The following TTLL5 variants were observed in gnomAD, a reference collection of about 807,000 sequenced individuals.
The protein encoded by TTLL5 is tubulin polyglutamylase TTLL5.
Under a neutral mutation model 168.4 loss-of-function variants are expected in TTLL5, and 132 were observed. The ratio of observed to expected loss-of-function variants is 0.78; its 90% CI spans 0.68 to 0.91. The LOEUF (loss-of-function observed/expected upper bound fraction) is 0.91, where lower values mean the gene tolerates loss of function less well. Ranked by LOEUF, TTLL5 falls within the 40% of genes least tolerant of loss-of-function variation. TTLL5 has a pLI of 0.00. For synonymous variants in TTLL5, 546 were observed against 558.6 expected (o/e 0.98, Z 0.32); for missense variants, 1,545 against 1,581.5 (o/e 0.98, Z 0.39).
rs141322942 is a variant in TTLL5 at position 75,745,139 on chromosome 14, C to T, written c.1326C>T (p.Leu442=). ...CCAGTGATGCGGAAATGAAAAACCT[C>T]GTGGGCTCAGCCCGGGAGAAAGGGC... ...LSASDAEMKN[L]VGSAREKGPG... is the part of the protein sequence containing the mutation. Residue 442 remains leucine (L), a synonymous_variant, in exon 16 of 32, where the codon CTC becomes CTT. Coordinates refer to ENST00000298832, the MANE Select transcript of TTLL5 (RefSeq NM_015072.5). The T allele has an allele frequency of 2.5e-3, 4,024 of 1,613,916 alleles. 12 individuals carry two copies. Among genetic ancestry groups the T allele is most frequent in the Non-Finnish European group, 3.0e-3 (3,558 of 1,179,888 alleles).
At chr14:75,813,183 C>T (rs1595083516) in intron 27 of TTLL5, among the ~76,000 whole-genome samples, 2 of 142,086 alleles carry the variant, frequency 1.4e-5, no homozygotes, top group East Asian at 4.0e-4. Context: ...TAGCATGTTG[C>T]CTGGAACAAG....
intron 30 of TTLL5, among the ~76,000 whole-genome samples, chr14:75,889,692 G>A (rs2032292997): frequency 6.6e-6 from 1 of 151,946 alleles, no homozygotes; most frequent in Non-Finnish European, 1.5e-5. Flanking sequence ...AGCCAGGCGT[G>A]GTGGCATGGC....
At chr14:75,717,046 C>G (rs1887515938) in intron 9 of TTLL5, among the ~76,000 whole-genome samples, 1 of 150,612 alleles carries the variant, frequency 6.6e-6, no homozygotes, top group Non-Finnish European at 1.5e-5. Flanking sequence ...GATGTCAGCT[C>G]TAAGCCTACA....
chr14:75,669,152 G>T (rs187261789), intron 2 of TTLL5, among the ~76,000 whole-genome samples: 57 of 152,318 alleles, frequency 3.7e-4, no homozygotes, highest in Non-Finnish European at 7.3e-4. Context: ...ATTGGTTTAT[G>T]TGCCTATCTC....
chr14:75,947,956 C>T (rs969643273), intron 31 of TTLL5, among the ~76,000 whole-genome samples: 3 of 138,700 alleles, frequency 2.2e-5, no homozygotes, highest in African/African-American at 5.5e-5. Flanking sequence ...AAAAAAAAAT[C>T]GAAATTTTAA....
chr14:75,675,105 C>T lies in TTLL5; in HGVS notation c.181+5583C>T, dbSNP rs538316629. 1.8e-4 allele frequency among the ~76,000 whole-genome samples: 27 copies of T among 152,082 alleles called. 2 individuals carry two copies. In the South Asian group the frequency reaches 5.6e-3, roughly 32 times the overall value. On this transcript the variant is annotated intron_variant, in intron 3 of 31. Coordinates refer to ENST00000298832, the MANE Select transcript of TTLL5 (RefSeq NM_015072.5). ...AGGCAAATTGTTTAAAATAGGATTT[C>T]CAGTAACTGAATCAAGTATTCATTC...
chr14:75,761,343 C>G (rs1890636984), intron 18 of TTLL5, among the ~76,000 whole-genome samples: 1 of 62,334 alleles, frequency 1.6e-5, no homozygotes, highest in Non-Finnish European at 3.5e-5. Flanking sequence ...ATACAAATTT[C>G]ACTTTGAGAT....
intron 22 of TTLL5, among the ~76,000 whole-genome samples, 199 bp downstream of exon 22, chr14:75,775,829 A>T (rs565946486): frequency 5.3e-5 from 8 of 152,318 alleles, no homozygotes; most frequent in African/African-American, 1.9e-4. Flanking sequence ...ATTACTTCTG[A>T]AGGCCCAGTG....
intron 19 of TTLL5, 141 bp downstream of exon 19, chr14:75,764,913 T>A: frequency 1.0e-6 from 1 of 964,426 alleles, no homozygotes; most frequent in Non-Finnish European, 1.5e-6. Flanking sequence ...CTCTGAAACT[T>A]AATTTCAACA....
chr14:75,804,027 G>A (rs1362087708), intron 27 of TTLL5, among the ~76,000 whole-genome samples: 1 of 152,164 alleles, frequency 6.6e-6, no homozygotes, highest in Non-Finnish European at 1.5e-5. Flanking sequence ...ACCCAGGCGG[G>A]GGCTCCAGTG....
chr14:75,834,208 A>G (rs566949972), intron 28 of TTLL5, among the ~76,000 whole-genome samples: 1 of 152,344 alleles, frequency 6.6e-6, no homozygotes, highest in Non-Finnish European at 1.5e-5. Flanking sequence ...TTGGTTTTTT[A>G]CTAGATGAAA....
In TTLL5 at chr14:75,720,661, A is replaced by G. The variant is rs1340502181; in HGVS notation, c.1000A>G (p.Thr334Ala). 2 of 1,613,756 alleles carry G rather than the reference A, an allele frequency of 1.2e-6. No individual in the cohort carries two copies. The highest frequency in any genetic ancestry group is 2.2e-5 in the South Asian group (2 of 91,078). ...TIISAELAIA[T>A]ACKTFVPHRS... Reference sequence around the variant, plus strand: ...AATCTCTGCTGAACTAGCTATTGCTACTGCCTGTAAAACCTTTGTTCCTCA... The same window carrying G: ...AATCTCTGCTGAACTAGCTATTGCTGCTGCCTGTAAAACCTTTGTTCCTCA... The change falls in exon 12 of 32, where the codon ACT (threonine) becomes GCT (alanine). Residue 334 changes from threonine (T) to alanine (A), a missense_variant. By Grantham distance (58) the Thr-to-Ala change is moderately conservative. Coordinates refer to ENST00000298832, the MANE Select transcript of TTLL5 (RefSeq NM_015072.5).
intron 27 of TTLL5, among the ~76,000 whole-genome samples, chr14:75,809,285 C>A (rs1052036278): frequency 6.6e-6 from 1 of 152,064 alleles, no homozygotes; most frequent in African/African-American, 2.4e-5. Flanking sequence ...AGTTAAGATC[C>A]CCTGAAAGTG....
chr14:75,843,151 G>A (rs1021245633), intron 28 of TTLL5, among the ~76,000 whole-genome samples: 3 of 152,154 alleles, frequency 2.0e-5, no homozygotes, highest in Non-Finnish European at 2.9e-5. Context: ...GTGACAGATA[G>A]GATTCTCTTT....
intron 28 of TTLL5, among the ~76,000 whole-genome samples, chr14:75,841,040 A>G (rs1340696689): frequency 6.6e-6 from 1 of 152,192 alleles, no homozygotes; most frequent in Admixed American, 6.5e-5. Flanking sequence ...CCAGACTCTT[A>G]AAACAACCAG....
At chr14:75,929,247 T>C (rs1379618469) in intron 31 of TTLL5, among the ~76,000 whole-genome samples, 1 of 152,130 alleles carries the variant, frequency 6.6e-6, no homozygotes, top group Non-Finnish European at 1.5e-5. Flanking sequence ...CATCTCAGCT[T>C]TGCTACCATT....
intron 20 of TTLL5, among the ~76,000 whole-genome samples, chr14:75,770,715 A>T (rs1468044064): frequency 6.6e-6 from 1 of 152,184 alleles, no homozygotes; most frequent in Non-Finnish European, 1.5e-5. Context: ...CCAGGCAGAA[A>T]ATAGCTGCGT....
intron 31 of TTLL5, among the ~76,000 whole-genome samples, chr14:75,943,065 C>G (rs1444035097): frequency 6.6e-6 from 1 of 152,054 alleles, no homozygotes; most frequent in Non-Finnish European, 1.5e-5. Context: ...GCTACAGTGG[C>G]TGGTATTTCA....
rs60194482 is a variant in TTLL5, at chr14:75,811,156, A to AGAGAGTGTGTGTGTGT, written c.3172-8850_3172-8849insAGAGTGTGTGTGTGTG. ...GGGAAAGAGAGGGAATGAAAGAAAG[A>AGAGAGTGTGTGTGTGT]GTGTGTGTGTGTGTGTGTGTGTGTG... On this transcript the variant is annotated intron_variant, in intron 27 of 31. Coordinates refer to ENST00000298832, the MANE Select transcript of TTLL5 (RefSeq NM_015072.5). 2.6e-3 allele frequency among the ~76,000 whole-genome samples: 307 copies of AGAGAGTGTGTGTGTGT among 116,618 alleles called. 3 individuals are homozygous for AGAGAGTGTGTGTGTGT. Among genetic ancestry groups the AGAGAGTGTGTGTGTGT allele is most frequent in the African/African-American group, 9.3e-3 (276 of 29,656 alleles). 76.5% of individuals were successfully genotyped at this position (116,618 alleles called of 152,430 possible).
Sources: allele counts gnomAD v4.1 joint callset (sites outside exome capture counted in the v4.1 genomes callset), GRCh38; gene constraint gnomAD v4.1.1; transcripts MANE v1.5; gene names NCBI Gene and HGNC (gene_info 2026-07-23, HGNC 2026-07-21).